Variants in CTNND2 observed in about 807,000 individuals in gnomAD.
The protein encoded by CTNND2 is catenin delta 2.
In CTNND2, 22 loss-of-function variants were observed where a neutral mutation model predicts 144.4. The ratio of observed to expected loss-of-function variants is 0.15; its 90% confidence interval spans 0.11 to 0.22. CTNND2 has a LOEUF of 0.22. Among genes scored for constraint, CTNND2 ranks in the 10% least tolerant of loss-of-function variants. The pLI is 1.00. For missense variants in CTNND2, 1,353 were observed against 1,618.8 expected (o/e 0.84, Z 2.82); for synonymous variants, 751 against 695.6 (o/e 1.08, Z -1.25).
chr5:11,532,775 T>C (rs1359567346), intron 3 of CTNND2, among the ~76,000 whole-genome samples: 2 of 152,222 alleles, frequency 1.3e-5, no homozygotes, highest in Non-Finnish European at 2.9e-5. Flanking sequence ...CTTTAATCAA[T>C]ATTTCACTGA....
At chr5:11,698,849 T>C (rs1358996468) in intron 2 of CTNND2, among the ~76,000 whole-genome samples, 3 of 151,822 alleles carry the variant, frequency 2.0e-5, no homozygotes, top group Non-Finnish European at 4.4e-5. Flanking sequence ...AAATAAAGCT[T>C]TAAATAATTT....
intron 8 of CTNND2, among the ~76,000 whole-genome samples, chr5:11,362,474 C>T (rs571920757): frequency 1.3e-5 from 2 of 152,264 alleles, no homozygotes; most frequent in Admixed American, 1.3e-4. Context: ...GCAGGGAAGA[C>T]AGAGTTTGCG....
chr5:11,704,172 T>A (rs1581746784), intron 2 of CTNND2, among the ~76,000 whole-genome samples: 1 of 152,340 alleles, frequency 6.6e-6, no homozygotes, highest in East Asian at 1.9e-4. Context: ...GAAGCCTCAA[T>A]AGTGCTCATC....
intron 2 of CTNND2, among the ~76,000 whole-genome samples, chr5:11,654,552 A>G: frequency 6.6e-6 from 1 of 152,162 alleles, no homozygotes; most frequent in Middle Eastern, 3.4e-3. Context: ...ATATTAGTGT[A>G]TAGAAACATG....
intron 15 of CTNND2, among the ~76,000 whole-genome samples, chr5:11,093,002 T>C (rs903703147): frequency 6.6e-6 from 1 of 152,238 alleles, no homozygotes; most frequent in Admixed American, 6.5e-5. Flanking sequence ...TTTATTCATT[T>C]GGGGCACACG....
intron 1 of CTNND2, among the ~76,000 whole-genome samples, chr5:11,880,924 A>G (rs1308317624): frequency 1.4e-5 from 2 of 147,216 alleles, no homozygotes; most frequent in Non-Finnish European, 3.0e-5. Flanking sequence ...CACTACTACT[A>G]CCACTACTAC....
chr5:11,144,810 C>T (rs1303808979), intron 12 of CTNND2, among the ~76,000 whole-genome samples: 1 of 152,096 alleles, frequency 6.6e-6, no homozygotes, highest in Non-Finnish European at 1.5e-5. Context: ...GACACATTTT[C>T]CTAAGGAAAT....
At chr5:11,284,158 C>T (rs1441700659) in intron 9 of CTNND2, among the ~76,000 whole-genome samples, 1 of 152,186 alleles carries the variant, frequency 6.6e-6, no homozygotes, top group African/African-American at 2.4e-5. Context: ...TCTTCAGCCA[C>T]ATGGAGAGCG....
intron 2 of CTNND2, among the ~76,000 whole-genome samples, chr5:11,680,519 A>G (rs911803635): frequency 6.6e-5 from 10 of 152,204 alleles, no homozygotes; most frequent in Non-Finnish European, 1.3e-4. Flanking sequence ...CTGAATGGGA[A>G]GAATGCTGAG....
chr5:11,214,392 C>T (rs532773468), intron 10 of CTNND2, among the ~76,000 whole-genome samples: 13 of 152,186 alleles, frequency 8.5e-5, no homozygotes, highest in Middle Eastern at 3.4e-3. Context: ...TAAAAATTTT[C>T]AGATGAGTTA....
At chr5:11,258,489 G>A (rs1172322730) in intron 9 of CTNND2, among the ~76,000 whole-genome samples, 1 of 152,226 alleles carries the variant, frequency 6.6e-6, no homozygotes, top group Admixed American at 6.5e-5. Context: ...CCTTACAAAA[G>A]CTGAAAAAGA....
At chr5:11,893,531 T>C (rs1737157572) in intron 1 of CTNND2, among the ~76,000 whole-genome samples, 1 of 152,220 alleles carries the variant, frequency 6.6e-6, no homozygotes. Context: ...TAGTTTAAGC[T>C]ACCTTGCACC....
At chr5:11,166,196 G>T (rs1213967844) in intron 11 of CTNND2, among the ~76,000 whole-genome samples, 1 of 151,500 alleles carries the variant, frequency 6.6e-6, no homozygotes, top group Non-Finnish European at 1.5e-5. Flanking sequence ...GTGACAGTTT[G>T]TGTACCTGGG....
chr5:11,020,522 T>G (rs1742127879), intron 17 of CTNND2, among the ~76,000 whole-genome samples: 1 of 152,174 alleles, frequency 6.6e-6, no homozygotes, highest in Non-Finnish European at 1.5e-5. Flanking sequence ...TTCCTTAAAA[T>G]TTGTCTAGAA....
intron 3 of CTNND2, among the ~76,000 whole-genome samples, chr5:11,427,939 G>A (rs1215307519): frequency 6.6e-6 from 1 of 152,190 alleles, no homozygotes; most frequent in Non-Finnish European, 1.5e-5. Context: ...TGGCTGGGGA[G>A]GCCTCAGAAT....
In CTNND2 at chr5:10,975,126, A is replaced by C. The variant is rs139649275; in HGVS notation, c.3418-1413T>G. Among the ~76,000 whole-genome samples, 968 of 152,306 alleles carry C rather than the reference A, an allele frequency of 6.4e-3. 11 individuals are homozygous for C. The highest frequency in any genetic ancestry group is 0.023 in the African/African-American group (938 of 41,556). ...AATGAATGTGCAACATCTGCAATTAAATACTGCTAAGTCCAGGTCTACTGG... is the reference window on the plus strand; with the variant it reads ...AATGAATGTGCAACATCTGCAATTACATACTGCTAAGTCCAGGTCTACTGG... On this transcript the variant is annotated intron_variant, in intron 21 of 21. Transcript: ENST00000304623.
chr5:11,756,320 T>A (rs538923895), intron 1 of CTNND2, among the ~76,000 whole-genome samples: 1 of 151,754 alleles, frequency 6.6e-6, no homozygotes, highest in Non-Finnish European at 1.5e-5. Context: ...GATAAACAGT[T>A]GTTTAGTTGT....
intron 9 of CTNND2, among the ~76,000 whole-genome samples, chr5:11,310,501 A>G (rs183545313): frequency 7.6e-4 from 116 of 151,996 alleles, no homozygotes; most frequent in African/African-American, 2.6e-3. Context: ...ACTCCATCCT[A>G]CACGTTAAAA....
At chr5:11,186,342 T>C (rs998860253) in intron 11 of CTNND2, among the ~76,000 whole-genome samples, 1 of 152,188 alleles carries the variant, frequency 6.6e-6, no homozygotes, top group South Asian at 2.1e-4. Flanking sequence ...TCCACCCCAG[T>C]TAACACTGCC....
Sources: allele counts gnomAD v4.1 joint callset (sites outside exome capture counted in the v4.1 genomes callset), GRCh38; gene constraint gnomAD v4.1.1; transcripts MANE v1.5; gene names NCBI Gene and HGNC (gene_info 2026-07-23, HGNC 2026-07-21).